TSHZ2: variants seen among roughly 807,000 people sequenced by gnomAD.
TSHZ2 encodes teashirt zinc finger homeobox 2.
A neutral mutation model predicts 74.4 loss-of-function variants in TSHZ2; 21 were observed. The observed-to-expected ratio is 0.28, with a 90% CI of 0.20 to 0.41. The LOEUF is 0.41. Ranked by LOEUF, TSHZ2 falls within the 10% of genes least tolerant of loss-of-function variation. The probability of loss-of-function intolerance (pLI) is 1.00; values close to 1 mark genes in which losing one functional copy is unlikely to be tolerated. For synonymous variants in TSHZ2, 540 were observed against 515.3 expected, an observed-to-expected ratio of 1.05 and a Z score of -0.65; for missense variants, 1,244 against 1,293.5, an observed-to-expected ratio of 0.96 and a Z score of 0.59.
intron 2 of TSHZ2, among the ~76,000 whole-genome samples, chr20:53,450,062 A>G (rs1984714504): frequency 6.6e-6 from 1 of 152,248 alleles, no homozygotes; most frequent in African/African-American, 2.4e-5. Flanking sequence ...AAATACATCA[A>G]TGAATGAACA....
chr20:53,292,622 T>A (rs895312547), intron 2 of TSHZ2, among the ~76,000 whole-genome samples: 1 of 152,050 alleles, frequency 6.6e-6, no homozygotes, highest in African/African-American at 2.4e-5. Flanking sequence ...TTTTTTTTAA[T>A]ATTTTTTTGT....
At chr20:53,440,849 G>A (rs6022471) in intron 2 of TSHZ2, among the ~76,000 whole-genome samples, 108 of 152,302 alleles carry the variant, frequency 7.1e-4, no homozygotes, top group African/African-American at 2.6e-3. Context: ...CTCAAGCCAC[G>A]TTGGGAAAAA....
chr20:53,282,588 A>G (rs1991085141), intron 2 of TSHZ2, among the ~76,000 whole-genome samples: 1 of 152,232 alleles, frequency 6.6e-6, no homozygotes, highest in African/African-American at 2.4e-5. Flanking sequence ...TCCTTAACTC[A>G]TATTCACCGA....
intron 2 of TSHZ2, among the ~76,000 whole-genome samples, chr20:53,401,774 C>CTTTTTTTT (rs59656180): frequency 1.4e-3 from 132 of 94,864 alleles, no homozygotes; most frequent in African/African-American, 2.1e-3. Context: ...AACACATTTT[C>CTTTTTTTT]TTTTTTTTTT....
At chr20:53,244,534 C>A (rs1339110098) in intron 1 of TSHZ2, among the ~76,000 whole-genome samples, 1 of 152,172 alleles carries the variant, frequency 6.6e-6, no homozygotes, top group Non-Finnish European at 1.5e-5. Flanking sequence ...CCTTCTCACC[C>A]TTCTCCATGA....
intron 1 of TSHZ2, among the ~76,000 whole-genome samples, chr20:53,165,117 A>G (rs1600720152): frequency 6.6e-6 from 1 of 152,090 alleles, no homozygotes; most frequent in East Asian, 1.9e-4. Context: ...GGATGGATGG[A>G]TGGATGGGTG....
intron 2 of TSHZ2, among the ~76,000 whole-genome samples, chr20:53,393,854 A>G (rs1982348816): frequency 6.6e-6 from 1 of 152,208 alleles, no homozygotes; most frequent in Non-Finnish European, 1.5e-5. Context: ...CTGTGAATCT[A>G]TGATTATTTC....
At chr20:53,163,457 T>TTTTATTTTA (rs61400951) in intron 1 of TSHZ2, among the ~76,000 whole-genome samples, 2,700 of 137,608 alleles carry the variant, frequency 0.02, 105 homozygotes, top group African/African-American at 0.083. Flanking sequence ...TTTTATTTTA[T>TTTTATTTTA]TTTTTTTTAT....
intron 1 of TSHZ2, among the ~76,000 whole-genome samples, chr20:53,064,158 A>G (rs1188372134): frequency 6.6e-6 from 1 of 152,212 alleles, no homozygotes; most frequent in Non-Finnish European, 1.5e-5. Flanking sequence ...TTATCTATAT[A>G]CATATTTTTA....
chr20:52,997,727 C>G (rs1370097364), intron 1 of TSHZ2, among the ~76,000 whole-genome samples: 1 of 152,190 alleles, frequency 6.6e-6, no homozygotes, highest in African/African-American at 2.4e-5. Flanking sequence ...TAGGAAAGAA[C>G]AGCAACTCCA....
intron 2 of TSHZ2, among the ~76,000 whole-genome samples, chr20:53,433,047 C>G (rs1440175327): frequency 6.6e-6 from 1 of 152,142 alleles, no homozygotes; most frequent in East Asian, 1.9e-4. Context: ...AGTGAAATAA[C>G]AGTACTAGCT....
At chr20:53,405,716 C>A (rs78903507) in intron 2 of TSHZ2, among the ~76,000 whole-genome samples, 2,315 of 152,158 alleles carry the variant, frequency 0.015, 66 homozygotes, top group African/African-American at 0.053. Flanking sequence ...GAAATAGTGG[C>A]CAGGTATGGT....
chr20:53,341,567 C>T (rs1194952746), intron 2 of TSHZ2, among the ~76,000 whole-genome samples: 1 of 152,022 alleles, frequency 6.6e-6, no homozygotes, highest in Admixed American at 6.6e-5. Flanking sequence ...TCAAGCAATC[C>T]TCCCATCTCA....
intron 2 of TSHZ2, among the ~76,000 whole-genome samples, chr20:53,379,798 G>C (rs1374911151): frequency 1.3e-5 from 2 of 152,142 alleles, no homozygotes; most frequent in Non-Finnish European, 2.9e-5. Flanking sequence ...CTTCCAAAGG[G>C]CTTGCTGGTT....
chr20:53,215,681 A>G (rs1989419744), intron 1 of TSHZ2, among the ~76,000 whole-genome samples: 1 of 151,856 alleles, frequency 6.6e-6, no homozygotes, highest in African/African-American at 2.4e-5. Context: ...AGCCTGACCA[A>G]CATGGAGAGA....
intron 1 of TSHZ2, among the ~76,000 whole-genome samples, chr20:53,144,498 A>G (rs1482365074): frequency 6.6e-6 from 1 of 152,256 alleles, no homozygotes; most frequent in African/African-American, 2.4e-5. Flanking sequence ...GGGTTTCAGT[A>G]GTAATAACAG....
At chr20:53,389,879 T>C (rs2145656102) in intron 2 of TSHZ2, among the ~76,000 whole-genome samples, 1 of 152,318 alleles carries the variant, frequency 6.6e-6, no homozygotes, top group Non-Finnish European at 1.5e-5. Flanking sequence ...CGGCCTGAAA[T>C]GTCAATAGCG....
At chr20:53,170,729 G>A (rs1184873644) in intron 1 of TSHZ2, among the ~76,000 whole-genome samples, 2 of 152,158 alleles carry the variant, frequency 1.3e-5, no homozygotes, top group African/African-American at 4.8e-5. Flanking sequence ...GAGCTTAGCG[G>A]TACTAAAATA....
intron 1 of TSHZ2, among the ~76,000 whole-genome samples, chr20:53,218,087 C>T (rs1424431707): frequency 6.6e-6 from 1 of 152,214 alleles, no homozygotes; most frequent in African/African-American, 2.4e-5. Context: ...CCGCAAATGG[C>T]AGGCTGCACT....
Sources: gnomAD v4.1 joint callset for allele counts (sites outside exome capture counted in the v4.1 genomes callset) on GRCh38, gnomAD v4.1.1 for gene constraint, MANE v1.5 for transcripts, NCBI Gene and HGNC (gene_info 2026-07-23, HGNC 2026-07-21) for gene names.